The following TJP1 variants were observed in gnomAD, a reference collection of about 807,000 sequenced individuals.
The protein encoded by TJP1 is tight junction protein 1.
Under a neutral mutation model 194.2 loss-of-function variants are expected in TJP1, and 43 were observed. That is an observed-to-expected ratio of 0.22 (90% CI 0.17 to 0.29). The LOEUF is 0.29. TJP1 is among the 10% of genes least tolerant of loss of function. TJP1 has a pLI of 1.00. For missense variants in TJP1, 1,971 were observed against 2,185.7 expected, an observed-to-expected ratio of 0.90 and a Z score of 1.96; for synonymous variants, 801 against 779.0, an observed-to-expected ratio of 1.03 and a Z score of -0.47.
chr15:29,955,652 G>T (rs1241016483), intron 2 of TJP1, among the ~76,000 whole-genome samples: 1 of 148,446 alleles, frequency 6.7e-6, no homozygotes, highest in African/African-American at 2.5e-5. Context: ...TTGGGAGGCT[G>T]ATGTGGGAGG....
At chr15:29,754,580 A>C (rs967007977) in intron 8 of TJP1, among the ~76,000 whole-genome samples, 4 of 152,220 alleles carry the variant, frequency 2.6e-5, no homozygotes, top group African/African-American at 9.6e-5. Context: ...AAATAGAAAA[A>C]AAAATGCTCA....
chr15:29,852,727 G>C (rs2051689173), intron 2 of TJP1, among the ~76,000 whole-genome samples: 1 of 152,066 alleles, frequency 6.6e-6, no homozygotes, highest in Non-Finnish European at 1.5e-5. Flanking sequence ...TCAAAATGGA[G>C]AAACCCCGTC....
At chr15:29,822,551 AGGG>A (rs1567105176), upstream of TJP1, 69 of 500,806 alleles carry the variant, frequency 1.4e-4, no homozygotes, top group Non-Finnish European at 1.7e-4. Flanking sequence ...CGAGGCGGGG[AGGG>A]GGCGGGGCCG....
rs1461712060 is a variant in TJP1 at position 29,949,182 on chromosome 15, TCACCTCCACCACCAG to T, written c.306+7035_306+7049del. Among the ~76,000 whole-genome samples the T allele has an allele frequency of 2.6e-4, 10 of 38,200 alleles. No homozygotes were observed. The East Asian group carries it at 3.3e-3, about 13-fold the overall frequency. 25.1% of individuals were successfully genotyped at this position (38,200 alleles called of 152,430 possible). ...ACTACCTCCACCACCACCACCTCCA[TCACCTCCACCACCAG>T]CACCTCCACCACCACCACCTCCACT... is the stretch of plus-strand genomic sequence containing the variant. On this transcript the variant is annotated intron_variant, in intron 2 of 28. Coordinates refer to the TJP1 transcript ENST00000356107.
At chr15:29,849,391 T>C (rs1265511118) in intron 2 of TJP1, among the ~76,000 whole-genome samples, 1 of 151,702 alleles carries the variant, frequency 6.6e-6, no homozygotes, top group Non-Finnish European at 1.5e-5. Context: ...CCCCCCACTG[T>C]TTTAATGTGG....
At chr15:29,944,374 C>T (rs1359798290) in intron 2 of TJP1, among the ~76,000 whole-genome samples, 2 of 152,222 alleles carry the variant, frequency 1.3e-5, no homozygotes, top group South Asian at 4.1e-4. Context: ...GGATTACAGG[C>T]GTGAGCCACC....
chr15:29,741,441 G>GA lies in TJP1; in HGVS notation c.1151-6dup, dbSNP rs145191256. 194,673 of 1,512,322 alleles carry GA rather than the reference G, an allele frequency of 0.13. 7,811 individuals carry two copies. Among genetic ancestry groups the GA allele is most frequent in the Non-Finnish European group, 0.15 (163,233 of 1,114,642 alleles). 93.7% of individuals were successfully genotyped at this position (1,512,322 alleles called of 1,614,324 possible). A position where few individuals can be genotyped will look rare whatever the true frequency, so the allele number is the denominator to read the frequency against. ...GGGCATACACAGGCTTTGGTTCTAAGAAAAAAAAAATTGAGTAGGACTCAC... is the reference window on the plus strand; with the variant it reads ...GGGCATACACAGGCTTTGGTTCTAAGAAAAAAAAAAATTGAGTAGGACTCAC... On this transcript the variant is annotated splice_region_variant and splice_polypyrimidine_tract_variant and intron_variant, in intron 9 of 27. Coordinates refer to ENST00000614355, the MANE Select transcript of TJP1 (RefSeq NM_001330239.4).
intron 1 of TJP1, among the ~76,000 whole-genome samples, chr15:29,812,813 G>A (rs187174134): frequency 6.6e-6 from 1 of 152,292 alleles, no homozygotes; most frequent in East Asian, 1.9e-4. Flanking sequence ...ATCTGTCACA[G>A]AGTCAGCATG....
At chr15:29,968,440 T>C in intron 1 of TJP1, 1 of 980,076 alleles carries the variant, frequency 1.0e-6, no homozygotes, top group East Asian at 1.1e-4. Context: ...ACAGCGAGGG[T>C]CTCGGCGAAA....
At chr15:29,849,362 T>C (rs1238971112) in intron 2 of TJP1, among the ~76,000 whole-genome samples, 1 of 151,946 alleles carries the variant, frequency 6.6e-6, no homozygotes, top group East Asian at 1.9e-4. Flanking sequence ...CAAGTGGAGT[T>C]TATTCCACTC....
At chr15:29,787,995 A>T (rs2047811591) in intron 2 of TJP1, among the ~76,000 whole-genome samples, 2 of 151,946 alleles carry the variant, frequency 1.3e-5, no homozygotes, top group African/African-American at 4.8e-5. Context: ...CTTTCTGAGT[A>T]CAGCCATCCT....
chr15:29,814,836 C>T (rs1204099188), intron 1 of TJP1, among the ~76,000 whole-genome samples: 1 of 152,100 alleles, frequency 6.6e-6, no homozygotes, highest in African/African-American at 2.4e-5. Flanking sequence ...GAAATATATC[C>T]GCAACACAAA....
Position 29,773,227 on chromosome 15 carries a change from T to C in TJP1, c.209+6A>G, listed in dbSNP as rs773307478. 2 of 1,613,776 alleles carry C rather than the reference T, an allele frequency of 1.2e-6. No individual in the cohort carries two copies. Among genetic ancestry groups the C allele is most frequent in the Admixed American group, 3.3e-5 (2 of 60,004 alleles). On this transcript the variant is annotated splice_donor_region_variant and intron_variant, in intron 3 of 27. Transcript: ENST00000614355. ...GCACAGTGCCCACGATAAGCAGCACTCTTACTGTAGCTGTCCTTCAGCTGG... is the reference window on the plus strand; with the variant it reads ...GCACAGTGCCCACGATAAGCAGCACCCTTACTGTAGCTGTCCTTCAGCTGG...
rs2046810169 is a variant in TJP1 at position 29,773,319 on chromosome 15, T to C, written c.123A>G (p.Gly41=). 6.2e-7 allele frequency: 1 copy of C among 1,613,850 alleles called. No homozygotes were observed. The highest frequency in any genetic ancestry group is 1.7e-5 in the Admixed American group (1 of 60,008). Residue 41 remains glycine (G), a synonymous_variant, in exon 3 of 28, where the codon GGA becomes GGG. Coordinates refer to ENST00000614355, the MANE Select transcript of TJP1 (RefSeq NM_001330239.4). ...GFGFGIAISG[G]RDNPHFQSGE... The stretch of plus-strand genomic sequence containing the variant: ...CACTCTGAAAATGAGGATTATCTCG[T>C]CCACCAGATATTGCAATTCCAAATC...
intron 18 of TJP1, among the ~76,000 whole-genome samples, chr15:29,724,271 A>C (rs943192232): frequency 6.6e-6 from 1 of 152,176 alleles, no homozygotes; most frequent in Non-Finnish European, 1.5e-5. Context: ...TGGGCTGGGG[A>C]GAGTGGGAAT....
chr15:29,801,205 G>A (rs2048758785), intron 1 of TJP1, among the ~76,000 whole-genome samples: 2 of 152,210 alleles, frequency 1.3e-5, no homozygotes, highest in South Asian at 4.1e-4. Context: ...ACTCTACCTA[G>A]TTTCAGTTTT....
intron 2 of TJP1, among the ~76,000 whole-genome samples, chr15:29,862,457 A>C (rs2052114304): frequency 6.6e-6 from 1 of 151,858 alleles, no homozygotes; most frequent in Non-Finnish European, 1.5e-5. Context: ...TCTAGGCAAA[A>C]CAAACAAAAA....
chr15:29,949,847 A>T (rs1386036217), intron 2 of TJP1, among the ~76,000 whole-genome samples: 1 of 43,320 alleles, frequency 2.3e-5, no homozygotes, highest in Non-Finnish European at 4.0e-5. Context: ...CTCCACAACC[A>T]CCACCTCCAC....
intron 2 of TJP1, among the ~76,000 whole-genome samples, chr15:29,933,208 A>T (rs2054776974): frequency 6.6e-6 from 1 of 152,186 alleles, no homozygotes; most frequent in African/African-American, 2.4e-5. Context: ...AAGTGATGAC[A>T]TCCATCAGTC....
Sources: allele counts gnomAD v4.1 joint callset (sites outside exome capture counted in the v4.1 genomes callset), GRCh38; gene constraint gnomAD v4.1.1; transcripts MANE v1.5; gene names NCBI Gene and HGNC (gene_info 2026-07-23, HGNC 2026-07-21).